Variants in TES observed in about 807,000 individuals in gnomAD.
The protein encoded by TES is testin LIM domain protein.
In TES, 41 loss-of-function variants were observed where a neutral mutation model predicts 48.2. That is an observed-to-expected ratio of 0.85 (90% confidence interval 0.66 to 1.10). The LOEUF (loss-of-function observed/expected upper bound fraction) is 1.10. TES is among the 50% of genes least tolerant of loss of function. The pLI, the probability that TES is intolerant of heterozygous loss-of-function variation, is 0.00. For missense variants in TES, 463 were observed against 515.1 expected, an observed-to-expected ratio of 0.90 and a Z score of 0.98; for synonymous variants, 162 against 174.9, an observed-to-expected ratio of 0.93 and a Z score of 0.58.
intron 2 of TES, among the ~76,000 whole-genome samples, chr7:116,238,559 G>A (rs541426668): frequency 2.0e-5 from 3 of 149,444 alleles, no homozygotes; most frequent in African/African-American, 7.4e-5. Flanking sequence ...GCAAGTTAAA[G>A]CAACAACTGT....
chr7:116,256,501 G>A (rs905371555), intron 6 of TES, among the ~76,000 whole-genome samples: 1 of 152,132 alleles, frequency 6.6e-6, no homozygotes, highest in African/African-American at 2.4e-5. Context: ...GTGTTTCAGA[G>A]GTCCGAACTG....
intron 2 of TES, among the ~76,000 whole-genome samples, chr7:116,237,147 C>T (rs1255390542): frequency 6.6e-6 from 1 of 152,112 alleles, no homozygotes; most frequent in African/African-American, 2.4e-5. Context: ...AGTCTAGGGC[C>T]ACAGAACTTA....
intron 2 of TES, chr7:116,238,920 G>T (rs903810705): frequency 1.3e-5 from 2 of 152,282 alleles, no homozygotes; most frequent in Admixed American, 6.6e-5. Flanking sequence ...TATTTTTCAG[G>T]TTAGAAGTCT....
intron 2 of TES, among the ~76,000 whole-genome samples, chr7:116,237,162 G>A (rs1281729935): frequency 1.3e-5 from 2 of 152,106 alleles, no homozygotes; most frequent in Non-Finnish European, 2.9e-5. Context: ...AACTTATGTG[G>A]GTGAAGTAGA....
At chr7:116,249,823 C>G (rs1425026793) in intron 3 of TES, 2 of 193,940 alleles carry the variant, frequency 1.0e-5, no homozygotes, top group East Asian at 2.5e-4. Flanking sequence ...TAAAAATGTT[C>G]CTGGTCCTAC....
chr7:116,254,166 T>G (rs1472483153), intron 6 of TES, among the ~76,000 whole-genome samples: 1 of 151,878 alleles, frequency 6.6e-6, no homozygotes, highest in Non-Finnish European at 1.5e-5. Context: ...ATGTATACCT[T>G]TTTTTTTGCT....
At chr7:116,257,081 G>T (rs58470009) in intron 6 of TES, among the ~76,000 whole-genome samples, 4 of 152,104 alleles carry the variant, frequency 2.6e-5, no homozygotes, top group Non-Finnish European at 5.9e-5. Flanking sequence ...TCACCTGTTT[G>T]GCCTTCACTC....
chr7:116,254,622 G>C (rs1210840768), intron 6 of TES, among the ~76,000 whole-genome samples: 1 of 152,018 alleles, frequency 6.6e-6, no homozygotes, highest in African/African-American at 2.4e-5. Context: ...TGTAATTCCA[G>C]CTACTTGGGA....
At chr7:116,257,198 T>G in intron 6 of TES, 96 bp from the exon 7 acceptor site, 1 of 1,337,326 alleles carries the variant, frequency 7.5e-7, no homozygotes, top group Admixed American at 2.5e-5. Context: ...TCATTATGAG[T>G]TTTAATTTAT....
At chr7:116,246,992 A>G (rs1167993037) in intron 2 of TES, among the ~76,000 whole-genome samples, 2 of 142,844 alleles carry the variant, frequency 1.4e-5, no homozygotes, top group African/African-American at 5.3e-5. Flanking sequence ...AGTGTCAAGT[A>G]CATTGCTTGG....
At position 116,250,121 on chromosome 7, in the gene TES, A is replaced by G. The variant is rs1554439103; in HGVS notation, c.367-40A>G. 6.1e-6 allele frequency: 9 copies of G among 1,478,176 alleles called. No individual in the cohort carries two copies. In the South Asian group the frequency reaches 1.3e-4, roughly 22 times the overall value. 91.6% of individuals were successfully genotyped at this position (1,478,176 alleles called of 1,614,324 possible). ...GTGTTATGAAACATCACACTGCCTA[A>G]TGGCCAATCCCAGTTAACATTGGCC... On this transcript the variant is annotated intron_variant, in intron 3 of 6. Transcript: ENST00000358204.
intron 6 of TES, among the ~76,000 whole-genome samples, chr7:116,254,275 A>G (rs1800061399): frequency 6.6e-6 from 1 of 151,990 alleles, no homozygotes; most frequent in South Asian, 2.1e-4. Flanking sequence ...CTAGGACAAC[A>G]TAGGTGCTCA....
chr7:116,256,038 G>A (rs574402385), intron 6 of TES, among the ~76,000 whole-genome samples: 1 of 151,762 alleles, frequency 6.6e-6, no homozygotes, highest in Non-Finnish European at 1.5e-5. Flanking sequence ...TAATTGAAAC[G>A]TTCATTTTTA....
At chr7:116,214,103 A>G (rs971102352) in intron 1 of TES, among the ~76,000 whole-genome samples, 1 of 151,764 alleles carries the variant, frequency 6.6e-6, no homozygotes, top group Non-Finnish European at 1.5e-5. Context: ...TAACCCCTTT[A>G]TTTTGATTAA....
At chr7:116,240,993 T>C (rs1226824294) in intron 2 of TES, among the ~76,000 whole-genome samples, 1 of 152,200 alleles carries the variant, frequency 6.6e-6, no homozygotes, top group African/African-American at 2.4e-5. Flanking sequence ...GTTTTTGTTT[T>C]AGGTTTGTAT....
intron 2 of TES, among the ~76,000 whole-genome samples, chr7:116,244,906 C>T (rs1799899952): frequency 6.6e-6 from 1 of 152,192 alleles, no homozygotes; most frequent in South Asian, 2.1e-4. Context: ...GGGCTTGCAC[C>T]CTCTGAAGCA....
chr7:116,227,082 TTTTTA>T (rs1264060665), intron 1 of TES, among the ~76,000 whole-genome samples: 3 of 148,882 alleles, frequency 2.0e-5, no homozygotes, highest in African/African-American at 7.4e-5. Flanking sequence ...TAACCTACAC[TTTTTA>T]TTTTATTTAT....
Position 116,212,112 on chromosome 7 carries a change from A to G in TES, c.27+1378A>G, listed in dbSNP as rs1799445902. Reference sequence around the variant, plus strand: ...ATTTTGCCCGCTTAGCTTTCTGTTGATGAATACTACTCTCATTTAGTTTTC... The same window carrying G: ...ATTTTGCCCGCTTAGCTTTCTGTTGGTGAATACTACTCTCATTTAGTTTTC... On this transcript the variant is annotated intron_variant, in intron 1 of 6. Transcript: ENST00000358204. 2.6e-5 allele frequency among the ~76,000 whole-genome samples: 4 copies of G among 152,112 alleles called. 1 individual carries two copies. The South Asian group carries it at 8.3e-4, about 32-fold the overall frequency.
intron 2 of TES, among the ~76,000 whole-genome samples, chr7:116,247,613 C>T (rs1203836667): frequency 2.0e-5 from 3 of 151,960 alleles, no homozygotes; most frequent in Non-Finnish European, 2.9e-5. Context: ...TGATAAAAAT[C>T]AAATGAATAA....
Sources: gnomAD v4.1 joint callset for allele counts (sites outside exome capture counted in the v4.1 genomes callset) on GRCh38, gnomAD v4.1.1 for gene constraint, MANE v1.5 for transcripts, NCBI Gene and HGNC (gene_info 2026-07-23, HGNC 2026-07-21) for gene names.